The following VWA8 variants were observed in gnomAD, a reference collection of about 807,000 sequenced individuals.
The protein encoded by VWA8 is von Willebrand factor A domain containing 8.
Under a neutral mutation model 241.5 loss-of-function variants are expected in VWA8, and 221 were observed. The ratio of observed to expected loss-of-function variants is 0.91; its 90% CI spans 0.82 to 1.02. The LOEUF is 1.02. VWA8 is among the 50% of genes least tolerant of loss of function. The pLI is 0.00. For missense variants in VWA8, 2,322 were observed against 2,328.7 expected (o/e 1.00, Z 0.06); for synonymous variants, 852 against 827.1 (o/e 1.03, Z -0.52).
At chr13:41,608,372 T>C (rs778624705) in intron 39 of VWA8, among the ~76,000 whole-genome samples, 1 of 152,152 alleles carries the variant, frequency 6.6e-6, no homozygotes, top group Non-Finnish European at 1.5e-5. Flanking sequence ...GAGGTACCCA[T>C]TGCTAATACT....
At chr13:41,580,057 A>G (rs1341503994) in intron 42 of VWA8, among the ~76,000 whole-genome samples, 1 of 150,576 alleles carries the variant, frequency 6.6e-6, no homozygotes, top group Admixed American at 6.6e-5. Flanking sequence ...GTCTTGCTAC[A>G]TTGCACATGC....
chr13:41,937,158 C>T (rs1877389165), intron 2 of VWA8, among the ~76,000 whole-genome samples: 2 of 152,186 alleles, frequency 1.3e-5, no homozygotes, highest in African/African-American at 4.8e-5. Flanking sequence ...GCTATACCAG[C>T]AGTCACCAAC....
At position 41,907,630 on chromosome 13, in the gene VWA8, G is replaced by A. The variant is rs1050938975; in HGVS notation, c.439C>T (p.Gln147Ter). The A allele has an allele frequency of 1.2e-6, 2 of 1,614,178 alleles. No individual in the cohort carries two copies. The highest frequency in any genetic ancestry group is 1.7e-6 in the Non-Finnish European group (2 of 1,180,016). Residue 147 changes from glutamine (Q) to a stop codon, truncating the protein, a stop_gained, in exon 4 of 45, where the codon CAG becomes TAG. Coordinates refer to ENST00000379310, the MANE Select transcript of VWA8 (RefSeq NM_015058.2). LOFTEE classifies it high-confidence loss of function. ...SRDTTETDLK[Q>*]RREIRAGTAF... ...GTGCCTGCACGGATCTCTCGTCGCTGTTTGAGATCAGTTTCAGTGGTGTCC... is the reference window on the plus strand; with the variant it reads ...GTGCCTGCACGGATCTCTCGTCGCTATTTGAGATCAGTTTCAGTGGTGTCC...
At position 41,757,304 on chromosome 13, in the gene VWA8, T is replaced by C. The variant is rs750982057; in HGVS notation, c.2426+3824A>G. Among the ~76,000 whole-genome samples, 45 of 151,882 alleles carry C rather than the reference T, an allele frequency of 3.0e-4. 2 individuals are homozygous for C. Among genetic ancestry groups the C allele is most frequent in the African/African-American group, 9.2e-4 (38 of 41,526 alleles). ...TTTTAATATGACAAATACTTAAAAA[T>C]TTTTTGAGTTGAAAGTCCTAGGTTT... On this transcript the variant is annotated intron_variant, in intron 21 of 44. Coordinates refer to ENST00000379310, the MANE Select transcript of VWA8 (RefSeq NM_015058.2).
intron 21 of VWA8, among the ~76,000 whole-genome samples, chr13:41,752,045 C>A (rs1257296320): frequency 2.0e-5 from 3 of 152,152 alleles, no homozygotes; most frequent in African/African-American, 7.2e-5. Context: ...GTTAACTTCT[C>A]TTTTCCCCCC....
intron 21 of VWA8, among the ~76,000 whole-genome samples, chr13:41,751,539 C>T (rs996356332): frequency 6.6e-5 from 10 of 152,152 alleles, no homozygotes; most frequent in Non-Finnish European, 1.2e-4. Context: ...TTTCTATGTG[C>T]TCTCTGGGAC....
At chr13:41,586,795 C>T (rs7336320) in intron 42 of VWA8, among the ~76,000 whole-genome samples, 4,101 of 152,208 alleles carry the variant, frequency 0.027, 118 homozygotes, top group African/African-American at 0.064. Flanking sequence ...TGCATATCTG[C>T]ACGTGCATAC....
intron 16 of VWA8, among the ~76,000 whole-genome samples, chr13:41,815,655 G>A (rs1386544674): frequency 6.6e-6 from 1 of 152,182 alleles, no homozygotes; most frequent in African/African-American, 2.4e-5. Context: ...CTTTGATTCT[G>A]GCTCAGTCAT....
chr13:41,704,462 ACTTTT>A (rs1483871899), intron 26 of VWA8, among the ~76,000 whole-genome samples: 1 of 149,124 alleles, frequency 6.7e-6, no homozygotes, highest in Non-Finnish European at 1.5e-5. Context: ...TTAAGTCTTC[ACTTTT>A]TTTTTTTTTT....
At chr13:41,861,235 A>G (rs1416336850) in intron 12 of VWA8, among the ~76,000 whole-genome samples, 1 of 152,090 alleles carries the variant, frequency 6.6e-6, no homozygotes, top group Non-Finnish European at 1.5e-5. Context: ...ATATATGTGG[A>G]GAATGAATTC....
rs367893800 is a variant in VWA8 at position 41,907,621 on chromosome 13, C to G, written c.448G>C (p.Glu150Gln). 8.7e-6 allele frequency: 14 copies of G among 1,614,036 alleles called. No homozygotes were observed. In the African/African-American group the frequency reaches 1.7e-4, roughly 20 times the overall value. ...TTETDLKQRR[E>Q]IRAGTAFYID... Reference sequence around the variant, plus strand: ...TAAAAGGCTGTGCCTGCACGGATCTCTCGTCGCTGTTTGAGATCAGTTTCA... The same window carrying G: ...TAAAAGGCTGTGCCTGCACGGATCTGTCGTCGCTGTTTGAGATCAGTTTCA... Residue 150 changes from glutamate to glutamine, a missense_variant, in exon 4 of 45, where the codon GAG becomes CAG. Physicochemically the swap from Glu to Gln is conservative, Grantham distance 29 (BLOSUM62 2). Coordinates refer to ENST00000379310, the MANE Select transcript of VWA8 (RefSeq NM_015058.2).
intron 13 of VWA8, among the ~76,000 whole-genome samples, chr13:41,831,435 C>T (rs1871448886): frequency 6.6e-6 from 1 of 152,122 alleles, no homozygotes; most frequent in Non-Finnish European, 1.5e-5. Flanking sequence ...AGGCAACAGT[C>T]ACAACTTCAC....
At chr13:41,706,790 G>T (rs2045285577) in intron 26 of VWA8, among the ~76,000 whole-genome samples, 1 of 152,146 alleles carries the variant, frequency 6.6e-6, no homozygotes, top group Non-Finnish European at 1.5e-5. Flanking sequence ...TATCTGATTT[G>T]ATTAAAACAA....
At chr13:41,744,451 C>T (rs551919663) in intron 21 of VWA8, among the ~76,000 whole-genome samples, 1 of 152,312 alleles carries the variant, frequency 6.6e-6, no homozygotes, top group African/African-American at 2.4e-5. Context: ...AAGTTGTGAA[C>T]TGAACAACCC....
chr13:41,885,434 A>T, intron 8 of VWA8, among the ~76,000 whole-genome samples: 1 of 152,124 alleles, frequency 6.6e-6, no homozygotes, highest in East Asian at 1.9e-4. Context: ...TTCCAACAGC[A>T]ATTGCTGTAG....
intron 9 of VWA8, among the ~76,000 whole-genome samples, chr13:41,870,659 A>AG (rs1398010148): frequency 6.6e-6 from 1 of 151,924 alleles, no homozygotes; most frequent in African/African-American, 2.4e-5. Flanking sequence ...AAAAGAAAAA[A>AG]AATTTAGAAC....
chr13:41,572,178 G>A (rs1332526638), intron 43 of VWA8, among the ~76,000 whole-genome samples: 1 of 151,228 alleles, frequency 6.6e-6, no homozygotes, highest in Non-Finnish European at 1.5e-5. Context: ...AGGGAGGTGG[G>A]GGGTCAGCCC....
At chr13:41,663,971 G>C (rs1215993732) in intron 37 of VWA8, among the ~76,000 whole-genome samples, 5 of 151,500 alleles carry the variant, frequency 3.3e-5, no homozygotes, top group South Asian at 2.1e-4. Flanking sequence ...GTTACATGAG[G>C]TATTCAGCAC....
chr13:41,957,978 A>G (rs754290363), intron 1 of VWA8, among the ~76,000 whole-genome samples: 5 of 152,222 alleles, frequency 3.3e-5, no homozygotes, highest in South Asian at 2.1e-4. Flanking sequence ...TCCATCTGTA[A>G]AAACACTACA....
Sources: gnomAD v4.1 joint callset for allele counts (sites outside exome capture counted in the v4.1 genomes callset) on GRCh38, gnomAD v4.1.1 for gene constraint, MANE v1.5 for transcripts, NCBI Gene and HGNC (gene_info 2026-07-23, HGNC 2026-07-21) for gene names.